The following COLGALT1 variants were observed in gnomAD, a reference collection of about 807,000 sequenced individuals.
The protein encoded by COLGALT1 is procollagen galactosyltransferase 1.
Under a neutral mutation model 60.8 loss-of-function variants are expected in COLGALT1, and 43 were observed. That is an observed-to-expected ratio of 0.71 (90% CI 0.55 to 0.91). COLGALT1 has a LOEUF of 0.91. Ranked by LOEUF, COLGALT1 falls within the 40% of genes least tolerant of loss-of-function variation. The probability of loss-of-function intolerance (pLI) is 0.00; values close to 1 mark genes in which losing one functional copy is unlikely to be tolerated. For synonymous variants in COLGALT1, 369 were observed against 374.2 expected, an observed-to-expected ratio of 0.99 and a Z score of 0.16; for missense variants, 845 against 880.0, an observed-to-expected ratio of 0.96 and a Z score of 0.50.
Position 17,567,520 on chromosome 19 carries a change from T to A in COLGALT1, c.604T>A (p.Trp202Arg), listed in dbSNP as rs1399323743. The A allele has an allele frequency of 1.2e-6, 2 of 1,613,206 alleles. No homozygotes were observed. The highest frequency in any genetic ancestry group is 2.7e-5 in the African/African-American group (2 of 74,914). ...TTCCCGGGCTGCGTACTCCAACTTC[T>A]GGTGTGGAATGACTTCCCAGGTAGA... is the stretch of plus-strand genomic sequence containing the variant. The part of the protein sequence containing the change: ...LDSRAAYSNF[W>R]CGMTSQGYYK... The change falls in exon 4 of 12, where the codon TGG (tryptophan) becomes AGG (arginine). Residue 202 changes from tryptophan (W) to arginine (R), a missense_variant. By Grantham distance (101) the Trp-to-Arg change is moderately radical. Transcript: ENST00000252599.
chr19:17,576,998 A>G, intron 6 of COLGALT1, 197 bp from the exon 7 acceptor site: 2 of 592,690 alleles, frequency 3.4e-6, no homozygotes, highest in South Asian at 2.0e-5. Context: ...GGGTGTGGCC[A>G]GGGCTTTGGG....
chr19:17,568,792 A>G, intron 5 of COLGALT1, 79 bp downstream of exon 5: 2 of 1,369,946 alleles, frequency 1.5e-6, no homozygotes, highest in Non-Finnish European at 1.0e-6. Flanking sequence ...TTCAGAACAC[A>G]CTGAAGATTC....
chr19:17,559,501 G>T (rs2076236008), intron 2 of COLGALT1, 80 bp downstream of exon 2: 1 of 1,137,788 alleles, frequency 8.8e-7, no homozygotes. Flanking sequence ...CATTGCCCCA[G>T]AACAATTACA....
intron 3 of COLGALT1, among the ~76,000 whole-genome samples, chr19:17,564,774 T>G (rs7248775): frequency 1.3e-5 from 2 of 152,136 alleles, no homozygotes; most frequent in African/African-American, 4.8e-5. Context: ...CTTTCTTGTT[T>G]GTTTTAATTG....
intron 3 of COLGALT1, 52 bp downstream of exon 3, chr19:17,560,517 C>T: frequency 2.1e-6 from 3 of 1,456,864 alleles, no homozygotes; most frequent in Non-Finnish European, 2.9e-6. Context: ...TGGGTATCCC[C>T]AGGGAAGGCG....
chr19:17,569,452 T>G (rs554838797), intron 5 of COLGALT1, among the ~76,000 whole-genome samples: 1 of 152,076 alleles, frequency 6.6e-6, no homozygotes, highest in African/African-American at 2.4e-5. Context: ...TGTTTTTTTT[T>G]TTTGAAGTAG....
chr19:17,567,805 C>T (rs915575963), intron 4 of COLGALT1, among the ~76,000 whole-genome samples: 4 of 151,882 alleles, frequency 2.6e-5, no homozygotes, highest in Admixed American at 6.6e-5. Context: ...AGAAATTAGC[C>T]GGGTATGGTG....
Position 17,572,470 on chromosome 19 carries a change from C to G in COLGALT1, c.830-13C>G. 8 of 1,614,038 alleles carry G rather than the reference C, an allele frequency of 5.0e-6. No individual in the cohort carries two copies. The highest frequency in any genetic ancestry group is 6.8e-6 in the Non-Finnish European group (8 of 1,179,972). ...GTTTTTACATTTGTCTGTTGCTTCC[C>G]TGCCCACTGCAGAGGTTCAGATGTA... On this transcript the variant is annotated splice_polypyrimidine_tract_variant and intron_variant, in intron 5 of 11. Coordinates refer to ENST00000252599, the MANE Select transcript of COLGALT1 (RefSeq NM_024656.4).
At position 17,572,716 on chromosome 19, in the gene COLGALT1, G is replaced by T. The variant is rs966080523; in HGVS notation, c.949+114G>T. On this transcript the variant is annotated intron_variant, in intron 6 of 11. Transcript: ENST00000252599. ...TGCCAGGCAGATGCAAGTCCCTGTG[G>T]GGGGTGCTGGGTGCAACGGCACGTG... 2.0e-6 allele frequency: 3 copies of T among 1,473,026 alleles called. No homozygotes were observed. The African/African-American group carries it at 4.1e-5, about 20-fold the overall frequency. The allele number at this position is 1,473,026 out of a possible 1,614,324, so 91.2% of individuals were successfully genotyped here.
intron 1 of COLGALT1, chr19:17,556,618 A>C: frequency 2.4e-6 from 2 of 820,140 alleles, no homozygotes; most frequent in Non-Finnish European, 2.9e-6. Flanking sequence ...AGTTTTCTCA[A>C]ATGGAAAATG....
chr19:17,561,380 C>G (rs879888681), intron 3 of COLGALT1, among the ~76,000 whole-genome samples: 5 of 151,560 alleles, frequency 3.3e-5, no homozygotes, highest in African/African-American at 9.7e-5. Context: ...CGTGCCTGGC[C>G]GTGTCACGTC....
intron 3 of COLGALT1, among the ~76,000 whole-genome samples, chr19:17,565,682 A>G (rs888443333): frequency 6.6e-6 from 1 of 152,120 alleles, no homozygotes; most frequent in Non-Finnish European, 1.5e-5. Context: ...AAACAAACAA[A>G]CAAACAAAGA....
At chr19:17,572,719 G>A (rs1173389081) in intron 6 of COLGALT1, 117 bp downstream of exon 6, 2 of 1,441,832 alleles carry the variant, frequency 1.4e-6, no homozygotes, top group African/African-American at 1.4e-5. Context: ...CCCTGTGGGG[G>A]GTGCTGGGTG....
At chr19:17,577,004 T>TGGGGGCGGGGTGAAGCTGGAGCC in intron 6 of COLGALT1, 191 bp from the exon 7 acceptor site, 1 of 307,172 alleles carries the variant, frequency 3.3e-6, no homozygotes, top group Non-Finnish European at 6.1e-6. Context: ...GGCCAGGGCT[T>TGGGGGCGGGGTGAAGCTGGAGCC]TGGGCTGCTG....
rs1325340430 is a variant in COLGALT1, at chr19:17,555,804, C to T, written c.91C>T (p.Pro31Ser). ...GCTGGCGCCACTGCCGCCGGGGGCC[C>T]CGCCGGGCGCCGACGCCTACTTCCC... ...LLLAPLPPGAPPGADAYFPEE... is the reference protein window; with the variant it reads ...LLLAPLPPGASPGADAYFPEE... The change falls in exon 1 of 12, where the codon CCG becomes TCG. Residue 31 changes from proline (P) to serine (S), a missense_variant. Transcript: ENST00000252599. The T allele has an allele frequency of 4.0e-6, 5 of 1,253,592 alleles. No homozygotes were observed. The highest frequency in any genetic ancestry group is 3.0e-4 in the Middle Eastern group (1 of 3,300). 77.7% of individuals were successfully genotyped at this position (1,253,592 alleles called of 1,614,324 possible). A position where few individuals can be genotyped will look rare whatever the true frequency, so the allele number is the denominator to read the frequency against.
intron 6 of COLGALT1, among the ~76,000 whole-genome samples, chr19:17,574,215 G>A (rs962316468): frequency 6.6e-6 from 1 of 152,176 alleles, no homozygotes; most frequent in Non-Finnish European, 1.5e-5. Flanking sequence ...GGAGGGGTGA[G>A]GCCTCTGTCC....
At chr19:17,572,185 G>A (rs914966886) in intron 5 of COLGALT1, among the ~76,000 whole-genome samples, 1 of 151,966 alleles carries the variant, frequency 6.6e-6, no homozygotes, top group African/African-American at 2.4e-5. Context: ...GCATGTGCCT[G>A]TAGTCTCAGC....
At chr19:17,572,638 G>A (rs781185697) in intron 6 of COLGALT1, 36 bp downstream of exon 6, 1 of 1,611,538 alleles carries the variant, frequency 6.2e-7, no homozygotes, top group Admixed American at 1.7e-5. Flanking sequence ...GGAGGTGCCA[G>A]GTTGCCTCCC....
intron 3 of COLGALT1, among the ~76,000 whole-genome samples, chr19:17,563,187 CTTTTTTTTTTTT>C (rs954111271): frequency 5.1e-5 from 6 of 117,538 alleles, no homozygotes; most frequent in African/African-American, 2.0e-4. Context: ...TTTCGTGTTT[CTTTTTTTTTTTT>C]TTTTTTTTTG....
Sources: allele counts gnomAD v4.1 joint callset (sites outside exome capture counted in the v4.1 genomes callset), GRCh38; gene constraint gnomAD v4.1.1; transcripts MANE v1.5; gene names NCBI Gene and HGNC (gene_info 2026-07-23, HGNC 2026-07-21).